SORL1: variants seen among roughly 807,000 people sequenced by gnomAD.
SORL1 encodes sortilin related receptor 1, also known as sortilin-related receptor.
SORL1 carries 127 observed loss-of-function variants against 273.7 expected under a neutral mutation model. That is an observed-to-expected ratio of 0.46 (90% CI 0.40 to 0.54). The LOEUF is 0.54. Among genes scored for constraint, SORL1 ranks in the 20% least tolerant of loss-of-function variants. The pLI is 0.00. For synonymous variants in SORL1, 1,031 were observed against 1,067.4 expected, an observed-to-expected ratio of 0.97 and a Z score of 0.66; for missense variants, 2,494 against 2,846.1, an observed-to-expected ratio of 0.88 and a Z score of 2.81.
intron 19 of SORL1, 39 bp downstream of exon 19, chr11:121,557,444 A>G (rs748369250): frequency 2.5e-5 from 35 of 1,373,170 alleles, no homozygotes; most frequent in Non-Finnish European, 3.1e-5. Flanking sequence ...CTTGCGTCCA[A>G]TGCTACACTA....
chr11:121,553,868 G>T (rs1862539378), intron 16 of SORL1, 69 bp from the exon 17 acceptor site: 5 of 1,457,638 alleles, frequency 3.4e-6, no homozygotes, highest in Non-Finnish European at 4.7e-6. Context: ...AAACAAATAG[G>T]TCAGATGTGC....
intron 33 of SORL1, 57 bp downstream of exon 33, chr11:121,604,381 C>A: frequency 6.3e-7 from 1 of 1,593,428 alleles, no homozygotes; most frequent in East Asian, 2.2e-5. Flanking sequence ...GCTCGCTTAC[C>A]CCAGGGCCCC....
chr11:121,507,065 C>G, intron 6 of SORL1, among the ~76,000 whole-genome samples: 1 of 152,088 alleles, frequency 6.6e-6, no homozygotes, highest in Admixed American at 6.5e-5. Flanking sequence ...CAGTAGTGTA[C>G]AAAATCTTTG....
chr11:121,501,630 G>A (rs1384713942), intron 6 of SORL1, among the ~76,000 whole-genome samples: 1 of 152,194 alleles, frequency 6.6e-6, no homozygotes. Context: ...CTTACGTGGC[G>A]GCAGGCAAGA....
chr11:121,574,676 T>A (rs918100852), intron 24 of SORL1, among the ~76,000 whole-genome samples: 4 of 152,172 alleles, frequency 2.6e-5, no homozygotes, highest in Admixed American at 2.0e-4. Context: ...CCAGCAGAAC[T>A]GAATCCTCAT....
intron 19 of SORL1, 124 bp downstream of exon 19, chr11:121,557,529 A>C (rs1234846669): frequency 7.9e-6 from 6 of 758,980 alleles, no homozygotes; most frequent in African/African-American, 6.9e-5. Flanking sequence ...TGGTCTATTA[A>C]CTGAGAAGTT....
At chr11:121,504,811 T>C (rs1861763375) in intron 6 of SORL1, among the ~76,000 whole-genome samples, 3 of 152,176 alleles carry the variant, frequency 2.0e-5, no homozygotes, top group African/African-American at 7.2e-5. Flanking sequence ...TTAAGTATGA[T>C]TTTTAACTGT....
chr11:121,601,619 A>AT (rs1863393613), intron 32 of SORL1, among the ~76,000 whole-genome samples: 1 of 129,126 alleles, frequency 7.7e-6, no homozygotes, highest in African/African-American at 3.1e-5. Flanking sequence ...GGGTCTGGTT[A>AT]TGTTACCCAG....
intron 5 of SORL1, among the ~76,000 whole-genome samples, chr11:121,491,666 C>T (rs1861555180): frequency 6.6e-6 from 1 of 152,236 alleles, no homozygotes; most frequent in Non-Finnish European, 1.5e-5. Context: ...CTATTGGCTT[C>T]ACCTTCAGTA....
At chr11:121,497,101 T>G in intron 6 of SORL1, 52 bp downstream of exon 6, 1 of 1,514,030 alleles carries the variant, frequency 6.6e-7, no homozygotes, top group Non-Finnish European at 9.0e-7. Flanking sequence ...CTTTGTGAAG[T>G]TTGGCATTCT....
chr11:121,512,926 T>C, intron 6 of SORL1, 77 bp from the exon 7 acceptor site: 2 of 981,340 alleles, frequency 2.0e-6, no homozygotes, highest in South Asian at 2.7e-5. Context: ...AATCTGACTC[T>C]TCTATTTTTA....
intron 21 of SORL1, among the ~76,000 whole-genome samples, chr11:121,561,287 C>T (rs559862831): frequency 2.4e-4 from 36 of 152,190 alleles, no homozygotes; most frequent in Non-Finnish European, 5.0e-4. Flanking sequence ...CACTTCATCC[C>T]AAGAACTTGG....
intron 5 of SORL1, among the ~76,000 whole-genome samples, chr11:121,495,489 C>T (rs767137930): frequency 1.3e-5 from 2 of 152,086 alleles, no homozygotes; most frequent in African/African-American, 2.4e-5. Context: ...GAATTTGACA[C>T]GATTACCTTC....
rs1862789872 is a variant in SORL1, at chr11:121,568,718, G to A, written c.3224-1439G>A. On this transcript the variant is annotated intron_variant, in intron 22 of 47. Coordinates refer to ENST00000260197, the MANE Select transcript of SORL1 (RefSeq NM_003105.6). ...GACACAGTCCATTAAGGAGTTCTGT[G>A]TGTAATTAGTATTTTATAATGTTGA... is the stretch of plus-strand genomic sequence containing the variant. Among the ~76,000 whole-genome samples the A allele has an allele frequency of 2.6e-5, 4 of 152,298 alleles. No homozygotes were observed. The South Asian group carries it at 6.2e-4, about 24-fold the overall frequency.
chr11:121,502,492 T>A (rs1207130457), intron 6 of SORL1, among the ~76,000 whole-genome samples: 1 of 152,212 alleles, frequency 6.6e-6, no homozygotes, highest in Non-Finnish European at 1.5e-5. Flanking sequence ...AAAACTATTG[T>A]ACCATTTTAT....
intron 1 of SORL1, among the ~76,000 whole-genome samples, chr11:121,457,927 C>G (rs1479376719): frequency 2.6e-5 from 4 of 152,210 alleles, no homozygotes; most frequent in Non-Finnish European, 5.9e-5. Flanking sequence ...CAACGAACAT[C>G]CCAAGGCAAA....
intron 12 of SORL1, among the ~76,000 whole-genome samples, chr11:121,535,048 G>T (rs1380463955): frequency 6.6e-6 from 1 of 151,884 alleles, no homozygotes; most frequent in Non-Finnish European, 1.5e-5. Context: ...ATATTTGATT[G>T]AAATAGGTCA....
At position 121,514,128 on chromosome 11, in the gene SORL1, CTTT is replaced by C. The variant is rs1861917440; in HGVS notation, c.1042-20_1042-18del. Reference sequence around the variant, plus strand: ...AGGGCACATTTGTTTTTTGACGTATCTTTTTTGACTTTTGATTCCAAAGGAATA... The same window carrying C: ...AGGGCACATTTGTTTTTTGACGTATCTTTGACTTTTGATTCCAAAGGAATA... On this transcript the variant is annotated intron_variant, in intron 7 of 47. Transcript: ENST00000260197. 3.7e-6 allele frequency: 6 copies of C among 1,605,826 alleles called. No homozygotes were observed. The African/African-American group carries it at 8.0e-5, about 22-fold the overall frequency.
Position 121,622,815 on chromosome 11 carries a change from G to A in SORL1, c.6171+547G>A, listed in dbSNP as rs114000316. ...ATGGTATTCACAGCAAAAGACAGGG[G>A]AAGAGGAGTGAGACCTGGGAGTAGA... On this transcript the variant is annotated intron_variant, in intron 45 of 47. Transcript: ENST00000260197. 4.3e-3 allele frequency among the ~76,000 whole-genome samples: 652 copies of A among 152,368 alleles called. 2 individuals carry two copies. Among genetic ancestry groups the A allele is most frequent in the African/African-American group, 0.015 (619 of 41,590 alleles).
Sources: allele counts gnomAD v4.1 joint callset (sites outside exome capture counted in the v4.1 genomes callset), GRCh38; gene constraint gnomAD v4.1.1; transcripts MANE v1.5; gene names NCBI Gene and HGNC (gene_info 2026-07-23, HGNC 2026-07-21).